The following DOCK5 variants were observed in gnomAD, a reference collection of about 807,000 sequenced individuals.
DOCK5 encodes the protein dedicator of cytokinesis protein 5.
DOCK5 carries 142 observed loss-of-function variants against 251.8 expected under a neutral mutation model. The ratio of observed to expected loss-of-function variants is 0.56; its 90% CI spans 0.49 to 0.65. The LOEUF is 0.65. DOCK5 is among the 30% of genes least tolerant of loss of function. The probability of loss-of-function intolerance (pLI) is 0.00; values close to 1 mark genes in which losing one functional copy is unlikely to be tolerated. For synonymous variants in DOCK5, 842 were observed against 835.5 expected (o/e 1.01, Z -0.13); for missense variants, 2,111 against 2,312.3 (o/e 0.91, Z 1.79).
chr8:25,186,811 G>A (rs977413489), intron 1 of DOCK5, among the ~76,000 whole-genome samples: 13 of 152,218 alleles, frequency 8.5e-5, no homozygotes, highest in African/African-American at 3.1e-4. Context: ...CAAAAATGTG[G>A]TTTTTATTGC....
In DOCK5 at chr8:25,286,271, C is replaced by T. The variant is rs141244022; in HGVS notation, c.322-5753C>T. ...TCGACACCGGGAAAATTTGATTCAA[C>T]GCCAACTGAGTGTGCAAGCAAGTGA... On this transcript the variant is annotated intron_variant, in intron 5 of 51. Coordinates refer to ENST00000276440, the MANE Select transcript of DOCK5 (RefSeq NM_024940.8). 1.3e-3 allele frequency among the ~76,000 whole-genome samples: 204 copies of T among 152,220 alleles called. 1 individual carries two copies. In the East Asian group the frequency reaches 0.031, roughly 23 times the overall value.
intron 44 of DOCK5, among the ~76,000 whole-genome samples, chr8:25,394,857 C>A (rs1008925278): frequency 6.6e-6 from 1 of 151,342 alleles, no homozygotes; most frequent in East Asian, 2.0e-4. Flanking sequence ...TTGTGGTGTC[C>A]TTATAAGCTA....
At chr8:25,313,992 C>A (rs1563198610) in intron 13 of DOCK5, among the ~76,000 whole-genome samples, 1 of 152,276 alleles carries the variant, frequency 6.6e-6, no homozygotes, top group South Asian at 2.1e-4. Flanking sequence ...GGGGTATCAT[C>A]CACTCACTTG....
rs201659492 is a variant in DOCK5, at chr8:25,296,508, T to C, written c.471-5T>C. 3.4e-5 allele frequency: 55 copies of C among 1,606,938 alleles called. No homozygotes were observed. Among genetic ancestry groups the C allele is most frequent in the Middle Eastern group, 3.3e-4 (2 of 6,052 alleles). ...AGAACCAGCTGACTACTCCTTTCTC[T>C]CCAGAATGCTGGGGTTAGATCTGGT... is the stretch of plus-strand genomic sequence containing the variant. On this transcript the variant is annotated splice_region_variant and splice_polypyrimidine_tract_variant and intron_variant, in intron 6 of 51. Coordinates refer to ENST00000276440, the MANE Select transcript of DOCK5 (RefSeq NM_024940.8).
chr8:25,207,600 C>T (rs546881412), intron 1 of DOCK5, among the ~76,000 whole-genome samples: 5 of 152,314 alleles, frequency 3.3e-5, no homozygotes, highest in Admixed American at 2.0e-4. Flanking sequence ...GTCTGGATGA[C>T]AGTACATCTG....
intron 5 of DOCK5, among the ~76,000 whole-genome samples, chr8:25,283,063 A>G (rs1004696741): frequency 6.6e-6 from 1 of 152,118 alleles, no homozygotes; most frequent in Non-Finnish European, 1.5e-5. Context: ...TAGAAAAGAA[A>G]AATATTTGCC....
At chr8:25,396,352 G>A (rs1412816478) in intron 45 of DOCK5, among the ~76,000 whole-genome samples, 1 of 152,184 alleles carries the variant, frequency 6.6e-6, no homozygotes, top group East Asian at 1.9e-4. Context: ...CTGCACTCCA[G>A]CTTGGGTGGC....
intron 18 of DOCK5, among the ~76,000 whole-genome samples, chr8:25,330,562 G>A (rs188620908): frequency 3.9e-5 from 6 of 152,286 alleles, no homozygotes; most frequent in Non-Finnish European, 5.9e-5. Context: ...AAAGAGAATG[G>A]TGGTGGTTGG....
chr8:25,377,492 G>C (rs1400962129), intron 38 of DOCK5, 68 bp downstream of exon 38: 14 of 1,532,858 alleles, frequency 9.1e-6, no homozygotes, highest in Non-Finnish European at 1.1e-5. Context: ...ATACAATTCT[G>C]ATGCTCACCA....
At chr8:25,214,823 C>T (rs1278341339) in intron 1 of DOCK5, among the ~76,000 whole-genome samples, 7 of 152,184 alleles carry the variant, frequency 4.6e-5, no homozygotes, top group Non-Finnish European at 1.0e-4. Context: ...CCCCATCTGT[C>T]CCTGGCTGCT....
chr8:25,323,629 T>C (rs975044035), intron 16 of DOCK5, among the ~76,000 whole-genome samples: 43 of 152,286 alleles, frequency 2.8e-4, no homozygotes, highest in South Asian at 4.1e-4. Context: ...GGGCAGATGC[T>C]AGTCTCATTT....
intron 2 of DOCK5, among the ~76,000 whole-genome samples, chr8:25,250,737 T>G (rs1240734652): frequency 1.3e-5 from 2 of 152,112 alleles, no homozygotes; most frequent in Non-Finnish European, 2.9e-5. Context: ...ACAAAGTAAG[T>G]AAACAAAACA....
At chr8:25,282,487 T>C (rs1346218762) in intron 5 of DOCK5, among the ~76,000 whole-genome samples, 3 of 152,168 alleles carry the variant, frequency 2.0e-5, no homozygotes, top group African/African-American at 7.2e-5. Context: ...ATTTTACTAG[T>C]ATGTAGCAAT....
rs149640788 is a variant in DOCK5 at position 25,237,159 on chromosome 8, G to C, written c.44-6515G>C. Among the ~76,000 whole-genome samples the C allele has an allele frequency of 2.0e-3, 304 of 152,180 alleles. 1 individual carries two copies. The highest frequency in any genetic ancestry group is 3.5e-3 in the Admixed American group (54 of 15,290). ...AGGTGGGTGGATCACATGAGCCCAG[G>C]AGTTCGAGACCAGCCTGTCCAACAT... On this transcript the variant is annotated intron_variant, in intron 1 of 51. Coordinates refer to ENST00000276440, the MANE Select transcript of DOCK5 (RefSeq NM_024940.8).
chr8:25,337,939 T>C (rs1334439572), intron 22 of DOCK5, among the ~76,000 whole-genome samples: 1 of 152,122 alleles, frequency 6.6e-6, no homozygotes, highest in East Asian at 1.9e-4. Flanking sequence ...CAGTATGATC[T>C]TCCTTTTAAA....
intron 12 of DOCK5, among the ~76,000 whole-genome samples, chr8:25,309,244 G>A (rs1039578408): frequency 5.3e-5 from 8 of 152,122 alleles, no homozygotes; most frequent in Middle Eastern, 3.4e-3. Context: ...GAGTGCAATT[G>A]CATGGTCTTG....
At chr8:25,282,007 C>A (rs1804207563) in intron 5 of DOCK5, among the ~76,000 whole-genome samples, 1 of 151,978 alleles carries the variant, frequency 6.6e-6, no homozygotes, top group Admixed American at 6.6e-5. Flanking sequence ...TGTCTTATAG[C>A]CGCTGTTGAT....
intron 5 of DOCK5, among the ~76,000 whole-genome samples, chr8:25,289,581 G>A (rs1004123930): frequency 3.9e-5 from 6 of 151,910 alleles, no homozygotes; most frequent in Non-Finnish European, 5.9e-5. Flanking sequence ...GGTGGCTCAC[G>A]CCTATAATCC....
At chr8:25,184,975 C>A in intron 1 of DOCK5, 24 bp downstream of exon 1, 1 of 1,355,192 alleles carries the variant, frequency 7.4e-7, no homozygotes, top group Non-Finnish European at 9.6e-7. Flanking sequence ...CCACCTTGTC[C>A]CGGCCCGACC....
Sources: allele counts gnomAD v4.1 joint callset (sites outside exome capture counted in the v4.1 genomes callset), GRCh38; gene constraint gnomAD v4.1.1; transcripts MANE v1.5; gene names NCBI Gene and HGNC (gene_info 2026-07-23, HGNC 2026-07-21).